ABCB1: variants seen among roughly 807,000 people sequenced by gnomAD.
The protein encoded by ABCB1 is ATP binding cassette subfamily B member 1, also known as ATP-dependent translocase ABCB1.
Under a neutral mutation model 142.0 loss-of-function variants are expected in ABCB1, and 69 were observed. The observed-to-expected ratio is 0.49, with a 90% CI of 0.40 to 0.59. The LOEUF is 0.59. Among genes scored for constraint, ABCB1 ranks in the 20% least tolerant of loss-of-function variants. The pLI is 0.00. For synonymous variants in ABCB1, 532 were observed against 539.2 expected, an observed-to-expected ratio of 0.99 and a Z score of 0.18; for missense variants, 1,326 against 1,554.7, an observed-to-expected ratio of 0.85 and a Z score of 2.47.
intron 6 of ABCB1, 67 bp downstream of exon 6, chr7:87,566,718 T>C (rs1817796680): frequency 6.8e-7 from 1 of 1,460,638 alleles, no homozygotes; most frequent in Non-Finnish European, 9.6e-7. Context: ...ACAGATGTGA[T>C]GACATCTATT....
chr7:87,548,720 AGGCACAGTGCCCGGCACAC>A (rs1816915280), intron 14 of ABCB1, among the ~76,000 whole-genome samples: 1 of 152,190 alleles, frequency 6.6e-6, no homozygotes, highest in Admixed American at 6.5e-5. Context: ...TGGAGATCAA[AGGCACAGTGCCCGGCACAC>A]GGCAAACACT....
upstream of ABCB1, among the ~76,000 whole-genome samples, chr7:87,604,049 C>T (rs983063652): frequency 2.6e-5 from 4 of 152,240 alleles, no homozygotes; most frequent in African/African-American, 9.6e-5. Flanking sequence ...TATCCATATA[C>T]GTTTGACCTA....
At chr7:87,534,905 A>G (rs1475616061) in intron 20 of ABCB1, among the ~76,000 whole-genome samples, 1 of 123,286 alleles carries the variant, frequency 8.1e-6, no homozygotes, top group Non-Finnish European at 1.6e-5. Flanking sequence ...ACAAAGAGAG[A>G]CCCTGTCTCT....
At position 87,549,854 on chromosome 7, in the gene ABCB1, A is replaced by T. The variant is rs2129704655; in HGVS notation, c.1551T>A (p.Pro517=). The change falls in exon 13 of 28, where the codon CCT becomes CCA. Residue 517 remains proline (P), a synonymous_variant. Transcript: ENST00000622132. ...GCAAAGGGCAAGGACAACTTACATG[A>T]GGCAGTTTCATGATAAAGTCATAGG... ...ANAYDFIMKL[P]HKFDTLVGER... is the part of the protein sequence containing the mutation. 2 of 1,614,182 alleles carry T rather than the reference A, an allele frequency of 1.2e-6. No individual in the cohort carries two copies. Among genetic ancestry groups the T allele is most frequent in the Middle Eastern group, 1.6e-4 (1 of 6,062 alleles).
At chr7:87,539,117 G>A in intron 19 of ABCB1, 151 bp downstream of exon 19, 1 of 794,614 alleles carries the variant, frequency 1.3e-6, no homozygotes, top group Admixed American at 2.0e-5. Flanking sequence ...GTGCCTAGTG[G>A]GCGGTTCAAC....
intron 24 of ABCB1, among the ~76,000 whole-genome samples, chr7:87,515,999 A>G (rs1240310289): frequency 6.6e-6 from 1 of 152,224 alleles, no homozygotes; most frequent in Non-Finnish European, 1.5e-5. Context: ...CAATAACTCA[A>G]ATCTGTTCCT....
chr7:87,565,970 C>G, intron 7 of ABCB1, 100 bp downstream of exon 7: 1 of 1,340,594 alleles, frequency 7.5e-7, no homozygotes, highest in Non-Finnish European at 1.1e-6. Context: ...GTAACAAGTA[C>G]AGAATCAGAG....
In ABCB1 at chr7:87,553,195, C is replaced by T. The variant is rs1043563330; in HGVS notation, c.999+566G>A. ...TAATCTCAACAAATAAAAGTTCATG[C>T]TATTGAGATTGCTAACGTTAATATT... On this transcript the variant is annotated intron_variant, in intron 9 of 27. Transcript: ENST00000622132. Among the ~76,000 whole-genome samples the T allele has an allele frequency of 1.1e-4, 16 of 151,982 alleles. No homozygotes were observed. In the South Asian group the frequency reaches 2.5e-3, roughly 24 times the overall value.
chr7:87,516,491 T>C lies in ABCB1; in HGVS notation c.3084+18A>G. 11 of 1,614,128 alleles carry C rather than the reference T, an allele frequency of 6.8e-6. No homozygotes were observed. Among genetic ancestry groups the C allele is most frequent in the Non-Finnish European group, 8.5e-6 (10 of 1,179,982 alleles). On this transcript the variant is annotated intron_variant, in intron 24 of 27. Coordinates refer to ENST00000622132, the MANE Select transcript of ABCB1 (RefSeq NM_001348946.2). ...CAGGAGTCAGGAGTAGATCAAACAGTTGAAACATCAAACTCACCGGCATTA... is the reference window on the plus strand; with the variant it reads ...CAGGAGTCAGGAGTAGATCAAACAGCTGAAACATCAAACTCACCGGCATTA...
chr7:87,555,547 A>G (rs1353553808), intron 8 of ABCB1, among the ~76,000 whole-genome samples: 1 of 152,218 alleles, frequency 6.6e-6, no homozygotes, highest in Non-Finnish European at 1.5e-5. Context: ...AAGCATGCCA[A>G]GTGAAATTTA....
intron 3 of ABCB1, among the ~76,000 whole-genome samples, chr7:87,593,403 T>G (rs994458882): frequency 1.3e-5 from 2 of 152,248 alleles, no homozygotes; most frequent in African/African-American, 4.8e-5. Context: ...ATTCCTTACT[T>G]CTTTCATCAC....
Position 87,541,233 on chromosome 7 carries a change from T to C in ABCB1, c.2319+124A>G, listed in dbSNP as rs575198609. The C allele has an allele frequency of 7.2e-6, 5 of 696,482 alleles. No homozygotes were observed. The African/African-American group carries it at 9.0e-5, about 13-fold the overall frequency. The allele number at this position is 696,482 out of a possible 1,614,324, so 43.1% of individuals were successfully genotyped here. A position where few individuals can be genotyped will look rare whatever the true frequency, so the allele number is the denominator to read the frequency against. On this transcript the variant is annotated intron_variant, in intron 18 of 27. Transcript: ENST00000622132. The stretch of plus-strand genomic sequence containing the variant: ...TTTCACTATGTCAGAAAAACTTGGC[T>C]GTTAGTAGCCATGTTAATAGAGAAG...
chr7:87,592,915 A>G (rs1819052843), intron 3 of ABCB1, among the ~76,000 whole-genome samples: 1 of 150,282 alleles, frequency 6.7e-6, no homozygotes, highest in Non-Finnish European at 1.5e-5. Context: ...CAATTCTTGC[A>G]AGAATATATA....
rs200482113 is a variant in ABCB1, at chr7:87,506,067, T to G, written c.3490-24A>C. Reference sequence around the variant, plus strand: ...TTCTGTAAATAAGGTTTTGTTGTTATGAAAGTAGAACTGAAAGTAAAGTTC... The same window carrying G: ...TTCTGTAAATAAGGTTTTGTTGTTAGGAAAGTAGAACTGAAAGTAAAGTTC... On this transcript the variant is annotated intron_variant, in intron 26 of 27. Transcript: ENST00000622132. 7 of 1,611,278 alleles carry G rather than the reference T, an allele frequency of 4.3e-6. No individual in the cohort carries two copies. The South Asian group carries it at 7.7e-5, about 18-fold the overall frequency.
intron 1 of ABCB1, among the ~76,000 whole-genome samples, chr7:87,622,181 C>A (rs1188486328): frequency 6.6e-6 from 1 of 151,894 alleles, no homozygotes; most frequent in Non-Finnish European, 1.5e-5. Context: ...ATAGGTAAGG[C>A]AAACAACGAA....
chr7:87,686,774 T>C (rs977673553), intron 1 of ABCB1, among the ~76,000 whole-genome samples: 10 of 139,662 alleles, frequency 7.2e-5, no homozygotes, highest in African/African-American at 2.7e-4. Context: ...ACCCCGCCTC[T>C]AGAAAAAAAA....
intron 1 of ABCB1, among the ~76,000 whole-genome samples, chr7:87,652,600 C>G (rs1823681802): frequency 7.5e-6 from 1 of 133,028 alleles, no homozygotes; most frequent in East Asian, 2.2e-4. Flanking sequence ...AAATTTCTGT[C>G]AGTTGACTCT....
intron 1 of ABCB1, among the ~76,000 whole-genome samples, chr7:87,632,521 ACT>A (rs2130203188): frequency 6.6e-6 from 1 of 152,102 alleles, no homozygotes; most frequent in African/African-American, 2.4e-5. Flanking sequence ...TCATTTGAGG[ACT>A]CTAAATCTTA....
Position 87,546,022 on chromosome 7 carries a change from G to A in ABCB1, c.1728C>T (p.Ala576=). 1.2e-6 allele frequency: 2 copies of A among 1,614,022 alleles called. No homozygotes were observed. The highest frequency in any genetic ancestry group is 1.7e-5 in the Admixed American group (1 of 60,014). ...TCACAATGGTGGTCCGACCTTTTCT[G>A]GCCTAAAGAGAGAGAAATTTGGTTT... ...EAVVQVALDK[A]RKGRTTIVIA... is the part of the protein sequence containing the mutation. The change falls in exon 15 of 28, where the codon GCC becomes GCT. Residue 576 remains alanine, a splice_region_variant and synonymous_variant. Transcript: ENST00000622132.
Sources: allele counts gnomAD v4.1 joint callset (sites outside exome capture counted in the v4.1 genomes callset), GRCh38; gene constraint gnomAD v4.1.1; transcripts MANE v1.5; gene names NCBI Gene and HGNC (gene_info 2026-07-23, HGNC 2026-07-21).